TRIM67: variants seen among roughly 807,000 people sequenced by gnomAD.
TRIM67 encodes the protein tripartite motif-containing protein 67.
TRIM67 carries 39 observed loss-of-function variants against 71.0 expected under a neutral mutation model. The observed-to-expected ratio is 0.55, with a 90% CI of 0.43 to 0.72. The LOEUF (loss-of-function observed/expected upper bound fraction) is 0.72, where lower values mean the gene tolerates loss of function less well. TRIM67 is among the 30% of genes least tolerant of loss of function. TRIM67 has a pLI of 0.00. For synonymous variants in TRIM67, 481 were observed against 473.9 expected, an observed-to-expected ratio of 1.01 and a Z score of -0.19; for missense variants, 973 against 1,079.2, an observed-to-expected ratio of 0.90 and a Z score of 1.38.
intron 8 of TRIM67, among the ~76,000 whole-genome samples, chr1:231,213,458 G>A (rs1405471230): frequency 6.6e-6 from 1 of 152,180 alleles, no homozygotes; most frequent in African/African-American, 2.4e-5. Context: ...CGGGTACAGT[G>A]GCTCATGCCT....
intron 1 of TRIM67, among the ~76,000 whole-genome samples, chr1:231,189,555 CAG>C (rs1186484867): frequency 6.6e-6 from 1 of 152,106 alleles, no homozygotes; most frequent in Non-Finnish European, 1.5e-5. Flanking sequence ...ATACCATAGA[CAG>C]GGGGGTTGAT....
chr1:231,183,034 G>A (rs1367230265), intron 1 of TRIM67, among the ~76,000 whole-genome samples: 3 of 152,200 alleles, frequency 2.0e-5, no homozygotes, highest in African/African-American at 7.2e-5. Context: ...GCTCCTCCCT[G>A]CAAGCCTTGG....
At chr1:231,190,809 A>G (rs1162683041) in intron 1 of TRIM67, among the ~76,000 whole-genome samples, 2 of 152,034 alleles carry the variant, frequency 1.3e-5, no homozygotes, top group African/African-American at 4.8e-5. Flanking sequence ...CCACTATTTC[A>G]TGGGAGAAGG....
At chr1:231,195,529 G>A (rs1048624711) in intron 1 of TRIM67, among the ~76,000 whole-genome samples, 2 of 152,194 alleles carry the variant, frequency 1.3e-5, no homozygotes, top group African/African-American at 4.8e-5. Context: ...TGAGGCTCAT[G>A]GTGTAGGAAA....
intron 5 of TRIM67, 148 bp from the exon 6 acceptor site, chr1:231,203,719 G>C (rs552467161): frequency 3.9e-6 from 4 of 1,019,442 alleles, no homozygotes; most frequent in Non-Finnish European, 5.6e-6. Flanking sequence ...ACTCCTGGGC[G>C]TCTGGGAGTG....
At chr1:231,202,350 G>A (rs1005719117) in intron 5 of TRIM67, among the ~76,000 whole-genome samples, 11 of 151,746 alleles carry the variant, frequency 7.2e-5, no homozygotes, top group African/African-American at 1.5e-4. Context: ...GAATCTAGGC[G>A]AAGAGTTTTG....
At chr1:231,206,548 C>A in intron 6 of TRIM67, 104 bp from the exon 7 acceptor site, 1 of 1,246,338 alleles carries the variant, frequency 8.0e-7, no homozygotes. Context: ...GGGACTACAC[C>A]TGGCAACAGC....
intron 1 of TRIM67, among the ~76,000 whole-genome samples, chr1:231,176,954 A>C (rs1349737464): frequency 1.3e-5 from 2 of 148,742 alleles, no homozygotes; most frequent in South Asian, 2.2e-4. Flanking sequence ...TTGCTCAGCT[A>C]AGTTAAGGGG....
intron 1 of TRIM67, chr1:231,186,229 A>G (rs1175827311): frequency 4.9e-6 from 7 of 1,415,654 alleles, no homozygotes; most frequent in Non-Finnish European, 5.8e-6. Flanking sequence ...AGGAGAGACA[A>G]GAGTACATTC....
At chr1:231,189,592 A>G (rs1458931783) in intron 1 of TRIM67, among the ~76,000 whole-genome samples, 1 of 152,198 alleles carries the variant, frequency 6.6e-6, no homozygotes, top group Non-Finnish European at 1.5e-5. Context: ...TACTTCTCAC[A>G]GTTCTGGAGG....
chr1:231,210,812 G>A (rs193250470), intron 8 of TRIM67, among the ~76,000 whole-genome samples: 193 of 152,002 alleles, frequency 1.3e-3, no homozygotes, highest in African/African-American at 4.5e-3. Context: ...GGCCGAGGCA[G>A]AAGGATTGCT....
At position 231,201,437 on chromosome 1, in the gene TRIM67, C is replaced by A; in HGVS notation, c.1454C>A (p.Ala485Glu). 1.2e-6 allele frequency: 2 copies of A among 1,613,634 alleles called. No individual in the cohort carries two copies. The highest frequency in any genetic ancestry group is 1.7e-6 in the Non-Finnish European group (2 of 1,179,774). The change falls in exon 5 of 10, where the codon GCG (alanine) becomes GAG (glutamate). Residue 485 changes from alanine (A) to glutamate (E), a missense_variant. By Grantham distance (107) the Ala-to-Glu change is moderately radical (BLOSUM62 -1). Around this residue, in one of 2 missense-constraint regions of TRIM67, gnomAD observed 795 missense variants for 831.3 expected, o/e 0.96. Transcript: ENST00000366653. ...VKGALEPKVS[A>E]EFDLTLDSEP... ...GGCGCCCTGGAGCCGAAAGTGTCTG[C>A]GGAGTTTGATCTGACTTTGGACAGC...
At chr1:231,165,802 A>G (rs1682445621) in intron 1 of TRIM67, among the ~76,000 whole-genome samples, 1 of 152,266 alleles carries the variant, frequency 6.6e-6, no homozygotes, top group African/African-American at 2.4e-5. Flanking sequence ...CAAGAAGTAC[A>G]GATTCCAAAT....
chr1:231,162,887 A>C lies in TRIM67; in HGVS notation c.-83A>C. ...CCCGCCCGTCGTCTCACCGGGGCGCACCGCGCTGGTCCTCCTCCGCCAGTC... is the reference window on the plus strand; with the variant it reads ...CCCGCCCGTCGTCTCACCGGGGCGCCCCGCGCTGGTCCTCCTCCGCCAGTC... On this transcript the variant is annotated 5_prime_UTR_variant, in exon 1 of 10. Transcript: ENST00000366653. 6.5e-7 allele frequency: 1 copy of C among 1,527,164 alleles called. No homozygotes were observed. Among genetic ancestry groups the C allele is most frequent in the Middle Eastern group, 1.8e-4 (1 of 5,424 alleles). The allele number at this position is 1,527,164 out of a possible 1,614,324, so 94.6% of individuals were successfully genotyped here. A position where few individuals can be genotyped will look rare whatever the true frequency, so the allele number is the denominator to read the frequency against.
rs1683995857 is a variant in TRIM67, at chr1:231,215,632, T to C, written c.*192T>C. The C allele has an allele frequency of 3.7e-6, 5 of 1,346,450 alleles. No homozygotes were observed. In the South Asian group the frequency reaches 1.0e-4, roughly 27 times the overall value. The allele number at this position is 1,346,450 out of a possible 1,614,324, so 83.4% of individuals were successfully genotyped here. On this transcript the variant is annotated 3_prime_UTR_variant, in exon 10 of 10. Coordinates refer to ENST00000366653, the MANE Select transcript of TRIM67 (RefSeq NM_001004342.5). ...TGGGTCCACGGGCCATGCTCACAGCTGCCACTGTCAGTGGCAAAGGAAGGT... is the reference window on the plus strand; with the variant it reads ...TGGGTCCACGGGCCATGCTCACAGCCGCCACTGTCAGTGGCAAAGGAAGGT...
intron 4 of TRIM67, 32 bp downstream of exon 4, chr1:231,200,290 C>T: frequency 7.0e-7 from 1 of 1,418,670 alleles, no homozygotes; most frequent in Middle Eastern, 2.0e-4. Flanking sequence ...ACAAAGTGGG[C>T]TTCCTCCAAC....
chr1:231,211,413 G>A (rs185579196), intron 8 of TRIM67, among the ~76,000 whole-genome samples: 2 of 152,162 alleles, frequency 1.3e-5, no homozygotes, highest in Non-Finnish European at 1.5e-5. Flanking sequence ...CGAGGCAGCC[G>A]GGAAGTTGGA....
At chr1:231,172,102 C>T (rs1390820923) in intron 1 of TRIM67, among the ~76,000 whole-genome samples, 2 of 152,006 alleles carry the variant, frequency 1.3e-5, no homozygotes, top group African/African-American at 4.8e-5. Context: ...ACAAACAAAC[C>T]AACAAACCAA....
At chr1:231,199,195 T>TGAATCCCTGCCACATC (rs1683455027) in intron 3 of TRIM67, 26 bp downstream of exon 3, 1 of 1,610,998 alleles carries the variant, frequency 6.2e-7, no homozygotes, top group African/African-American at 1.3e-5. Flanking sequence ...ACTGACACAT[T>TGAATCCCTGCCACATC]GAATCCCTGC....
Sources: gnomAD v4.1 joint callset for allele counts (sites outside exome capture counted in the v4.1 genomes callset) on GRCh38, gnomAD v4.1.1 for gene constraint, gnomAD v4.1.1 regional missense constraint, MANE v1.5 for transcripts, NCBI Gene and HGNC (gene_info 2026-07-23, HGNC 2026-07-21) for gene names.